PCDH11X: variants seen among roughly 807,000 people sequenced by gnomAD.
The protein encoded by PCDH11X is protocadherin-11 X-linked.
In PCDH11X, 18 loss-of-function variants were observed where a neutral mutation model predicts 53.3. The ratio of observed to expected loss-of-function variants is 0.34; its 90% CI spans 0.23 to 0.50. The LOEUF is 0.50. PCDH11X is among the 20% of genes least tolerant of loss of function. The pLI is 0.98. For synonymous variants in PCDH11X, 279 were observed against 393.3 expected, an observed-to-expected ratio of 0.71 and a Z score of 3.44; for missense variants, 570 against 1,032.4, an observed-to-expected ratio of 0.55 and a Z score of 6.14.
At chrX:92,415,865 A>G (rs2071797839) in intron 9 of PCDH11X, among the ~76,000 whole-genome samples, 1 of 111,768 alleles carries the variant, frequency 8.9e-6, no homozygotes. Flanking sequence ...AAATATTGGC[A>G]TTCTATAATT....
At chrX:92,355,235 G>A (rs1218791315) in intron 8 of PCDH11X, among the ~76,000 whole-genome samples, 1 of 87,177 alleles carries the variant, frequency 1.1e-5, no homozygotes, top group Non-Finnish European at 2.1e-5. Context: ...AGACCATCCC[G>A]GCTAAAACGG....
chrX:92,315,051 A>C (rs1169646946), intron 8 of PCDH11X, among the ~76,000 whole-genome samples: 3 of 110,937 alleles, frequency 2.7e-5, no homozygotes, highest in Non-Finnish European at 5.7e-5. Flanking sequence ...AATTTTAAGA[A>C]TCTTCATCAA....
chrX:92,048,239 G>GAA (rs60882285), intron 6 of PCDH11X, among the ~76,000 whole-genome samples: 2 of 74,463 alleles, frequency 2.7e-5, no homozygotes, highest in African/African-American at 4.2e-5. Flanking sequence ...CTTTTCTTTT[G>GAA]AAAAAAAAAA....
chrX:92,424,486 G>A lies in PCDH11X; in HGVS notation c.3343+36553G>A, dbSNP rs918484682. Among the ~76,000 whole-genome samples, 4 of 96,004 alleles carry A rather than the reference G, an allele frequency of 4.2e-5. 1 individual carries two copies. The highest frequency in any genetic ancestry group is 6.9e-5 in the Non-Finnish European group (3 of 43,616). 83.4% of individuals were successfully genotyped at this position (96,004 alleles called of 115,157 possible). Reference sequence around the variant, plus strand: ...CCTGCTTTGGGTCTCTCTCTGGCTCGTGCAGTTCGTAGGGGAACCTGGGAT... The same window carrying A: ...CCTGCTTTGGGTCTCTCTCTGGCTCATGCAGTTCGTAGGGGAACCTGGGAT... On this transcript the variant is annotated intron_variant, in intron 9 of 10. Transcript: ENST00000682573.
chrX:92,538,686 C>G (rs1320938664), intron 10 of PCDH11X, among the ~76,000 whole-genome samples: 14 of 96,755 alleles, frequency 1.4e-4, no homozygotes, highest in African/African-American at 4.8e-4. Context: ...TTATACTCCC[C>G]CTTTTTAACT....
At chrX:92,013,764 C>G (rs1281947027) in intron 6 of PCDH11X, among the ~76,000 whole-genome samples, 6 of 111,352 alleles carry the variant, frequency 5.4e-5, no homozygotes, top group Non-Finnish European at 7.5e-5. Flanking sequence ...ACAAACCTGA[C>G]AAAAACAAGA....
At chrX:92,542,966 G>T (rs1372635847) in intron 10 of PCDH11X, among the ~76,000 whole-genome samples, 3 of 111,526 alleles carry the variant, frequency 2.7e-5, no homozygotes, top group Non-Finnish European at 5.7e-5. Flanking sequence ...TCCTGAACAG[G>T]ATTATTCATC....
At chrX:92,095,221 G>A (rs1369338732) in intron 6 of PCDH11X, among the ~76,000 whole-genome samples, 2 of 110,490 alleles carry the variant, frequency 1.8e-5, no homozygotes, top group African/African-American at 6.6e-5. Flanking sequence ...TAATTTTCAG[G>A]CTTTTTCTGC....
chrX:92,105,438 C>A lies in PCDH11X; in HGVS notation c.3034-95937C>A, dbSNP rs1207539525. 5.4e-5 allele frequency among the ~76,000 whole-genome samples: 6 copies of A among 110,190 alleles called. No individual in the cohort carries two copies. In the Admixed American group the frequency reaches 5.8e-4, roughly 11 times the overall value. On this transcript the variant is annotated intron_variant, in intron 6 of 10. Coordinates refer to ENST00000682573, the MANE Select transcript of PCDH11X (RefSeq NM_032968.5). ...CGATCTGAGTCACGGCACCAAATTT[C>A]ATGCGCGTCCGTGTGAAGAGACCAC... is the stretch of plus-strand genomic sequence containing the variant.
chrX:91,983,789 A>G (rs1272567002), intron 6 of PCDH11X, among the ~76,000 whole-genome samples: 1 of 110,370 alleles, frequency 9.1e-6, no homozygotes, highest in African/African-American at 3.3e-5. Context: ...ACCACCAATA[A>G]AGCCAATTTA....
intron 5 of PCDH11X, among the ~76,000 whole-genome samples, chrX:91,850,657 A>C (rs1265797346): frequency 8.9e-6 from 1 of 112,059 alleles, no homozygotes; most frequent in Non-Finnish European, 1.9e-5. Flanking sequence ...TGTCTTAAAA[A>C]TCTTATCAAG....
At chrX:92,214,453 G>C (rs1015350581) in intron 7 of PCDH11X, among the ~76,000 whole-genome samples, 4 of 111,905 alleles carry the variant, frequency 3.6e-5, no homozygotes, top group African/African-American at 1.3e-4. Context: ...CCTGAGACAA[G>C]TGATAAATTA....
intron 8 of PCDH11X, among the ~76,000 whole-genome samples, chrX:92,355,571 T>G (rs2070186403): frequency 1.9e-5 from 2 of 106,048 alleles, no homozygotes; most frequent in Non-Finnish European, 3.8e-5. Context: ...AGATATATTA[T>G]TAAAGCATGA....
intron 9 of PCDH11X, among the ~76,000 whole-genome samples, chrX:92,421,905 T>G (rs764533399): frequency 1.8e-5 from 2 of 111,441 alleles, no homozygotes; most frequent in Admixed American, 1.9e-4. Flanking sequence ...TTAATGGAGT[T>G]GTTTGTTTTT....
chrX:92,069,538 C>CT (rs2063666487), intron 6 of PCDH11X, among the ~76,000 whole-genome samples: 1 of 110,637 alleles, frequency 9.0e-6, no homozygotes, highest in East Asian at 2.9e-4. Flanking sequence ...ATTTTGCAGT[C>CT]TTTTTTTCTG....
intron 6 of PCDH11X, among the ~76,000 whole-genome samples, chrX:91,974,141 A>C (rs921489580): frequency 9.0e-6 from 1 of 111,628 alleles, no homozygotes; most frequent in African/African-American, 3.3e-5. Flanking sequence ...TTAACTGTAT[A>C]TCAGTCTCAG....
chrX:92,215,218 C>T (rs926481098), intron 7 of PCDH11X, among the ~76,000 whole-genome samples: 19 of 110,264 alleles, frequency 1.7e-4, no homozygotes, highest in East Asian at 5.9e-4. Flanking sequence ...GTGGTTGCAG[C>T]GCACCGTGCG....
At chrX:92,183,832 G>GT (rs2066042255) in intron 6 of PCDH11X, among the ~76,000 whole-genome samples, 1 of 111,516 alleles carries the variant, frequency 9.0e-6, no homozygotes, top group African/African-American at 3.3e-5. Context: ...ATGGCTTGTG[G>GT]TTTTGCCCAT....
chrX:92,328,790 A>G (rs1340450640), intron 8 of PCDH11X, among the ~76,000 whole-genome samples: 1 of 110,117 alleles, frequency 9.1e-6, no homozygotes, highest in African/African-American at 3.3e-5. Flanking sequence ...TATTACTAAA[A>G]TAAATCCTCT....
Sources: allele counts gnomAD v4.1 joint callset (sites outside exome capture counted in the v4.1 genomes callset), GRCh38; gene constraint gnomAD v4.1.1; transcripts MANE v1.5; gene names NCBI Gene and HGNC (gene_info 2026-07-23, HGNC 2026-07-21).